PSEN1: variants seen among roughly 807,000 people sequenced by gnomAD.
PSEN1 encodes the protein presenilin 1.
PSEN1 carries 15 observed loss-of-function variants against 53.5 expected under a neutral mutation model. The observed-to-expected ratio is 0.28, with a 90% confidence interval of 0.19 to 0.43. The LOEUF (loss-of-function observed/expected upper bound fraction) is 0.43. Ranked by LOEUF, PSEN1 falls within the 20% of genes least tolerant of loss-of-function variation. The probability of loss-of-function intolerance (pLI) is 1.00; values close to 1 mark genes in which losing one functional copy is unlikely to be tolerated. For missense variants in PSEN1, 387 were observed against 571.2 expected (o/e 0.68, Z 3.29); for synonymous variants, 208 against 209.8 (o/e 0.99, Z 0.08).
At chr14:73,152,867 AC>A (rs1897265424) in intron 3 of PSEN1, among the ~76,000 whole-genome samples, 1 of 152,118 alleles carries the variant, frequency 6.6e-6, no homozygotes, top group South Asian at 2.1e-4. Context: ...TCACGGTGAA[AC>A]CCTGTCTCTA....
intron 3 of PSEN1, among the ~76,000 whole-genome samples, chr14:73,161,764 G>A (rs1018848425): frequency 2.6e-5 from 4 of 152,126 alleles, no homozygotes; most frequent in African/African-American, 9.7e-5. Flanking sequence ...CCCTTCAGAG[G>A]CCAAGCTGAT....
chr14:73,148,654 C>G (rs1445723623), intron 3 of PSEN1, among the ~76,000 whole-genome samples: 2 of 152,138 alleles, frequency 1.3e-5, no homozygotes, highest in Non-Finnish European at 2.9e-5. Flanking sequence ...GAGCAGAGGC[C>G]AGGCACGGTG....
At chr14:73,172,792 G>A (rs532015003) in intron 4 of PSEN1, among the ~76,000 whole-genome samples, 14 of 152,312 alleles carry the variant, frequency 9.2e-5, no homozygotes, top group African/African-American at 1.7e-4. Flanking sequence ...GTGGCTTCAC[G>A]TTCATCAAGG....
chr14:73,162,425 T>TCTCTCTCTCGCTCGCTCGCGCG (rs1897575095), intron 3 of PSEN1, among the ~76,000 whole-genome samples: 1 of 149,122 alleles, frequency 6.7e-6, no homozygotes, highest in Non-Finnish European at 1.5e-5. Context: ...ATGCTCTCGT[T>TCTCTCTCTCGCTCGCTCGCGCG]CTCTCTCTCG....
Position 73,209,027 on chromosome 14 carries a change from C to T in PSEN1, c.955+2555C>T, listed in dbSNP as rs781401368. 1.7e-4 allele frequency: 60 copies of T among 353,902 alleles called. No individual in the cohort carries two copies. The Admixed American group carries it at 1.7e-3, about 10-fold the overall frequency. The allele number at this position is 353,902 out of a possible 1,614,324, so 21.9% of individuals were successfully genotyped here. On this transcript the variant is annotated intron_variant, in intron 9 of 11. Coordinates refer to ENST00000324501, the MANE Select transcript of PSEN1 (RefSeq NM_000021.4). ...GCATGTCAGTGCTGCCCCAAGCGCC[C>T]GCACACCCGGCCAGGTCATGACAGC...
intron 10 of PSEN1, among the ~76,000 whole-genome samples, chr14:73,213,000 C>A (rs1055849582): frequency 6.6e-6 from 1 of 152,208 alleles, no homozygotes; most frequent in African/African-American, 2.4e-5. Flanking sequence ...CTTGACATAT[C>A]CATCAGTTTG....
At chr14:73,213,506 G>A (rs1379102062) in intron 10 of PSEN1, among the ~76,000 whole-genome samples, 1 of 152,104 alleles carries the variant, frequency 6.6e-6, no homozygotes, top group East Asian at 1.9e-4. Context: ...TAACGGACGT[G>A]CTTCATCATC....
intron 11 of PSEN1, 137 bp from the exon 12 acceptor site, chr14:73,218,997 A>AC (rs1900041220): frequency 2.2e-6 from 2 of 921,166 alleles, no homozygotes; most frequent in East Asian, 4.8e-5. Flanking sequence ...GATTGAATGA[A>AC]CGTCTGTTCT....
intron 1 of PSEN1, among the ~76,000 whole-genome samples, chr14:73,143,822 G>A (rs1269820561): frequency 2.0e-5 from 3 of 151,682 alleles, no homozygotes; most frequent in African/African-American, 7.3e-5. Context: ...CAGCCTGGGC[G>A]ATACAGCAAG....
At position 73,211,904 on chromosome 14, in the gene PSEN1, T is replaced by C. The variant is rs966909396; in HGVS notation, c.1091T>C (p.Leu364Pro). The change falls in exon 10 of 12, where the codon CTT becomes CCT. Residue 364 changes from leucine (L) to proline (P), a missense_variant. By Grantham distance (98) the Leu-to-Pro change is moderately conservative. Around this residue, in one of 4 missense-constraint regions of PSEN1, gnomAD observed 75 missense variants for 63.7 expected, o/e 1.18. Transcript: ENST00000324501. ...GAGTCACGAGCTGCTGTCCAGGAACTTTCCAGCAGTATCCTCGCTGGTGAA... is the reference window on the plus strand; with the variant it reads ...GAGTCACGAGCTGCTGTCCAGGAACCTTCCAGCAGTATCCTCGCTGGTGAA... ...TPESRAAVQELSSSILAGEDP... is the reference protein window; with the variant it reads ...TPESRAAVQEPSSSILAGEDP... 3 of 1,613,942 alleles carry C rather than the reference T, an allele frequency of 1.9e-6. No homozygotes were observed. In the Admixed American group the frequency reaches 5.0e-5, roughly 27 times the overall value.
intron 9 of PSEN1, among the ~76,000 whole-genome samples, chr14:73,207,149 A>AAAT (rs557032981): frequency 3.0e-3 from 462 of 152,206 alleles, no homozygotes; most frequent in Non-Finnish European, 5.2e-3. Flanking sequence ...CTTACCTCAA[A>AAAT]AATAATAATA....
At chr14:73,204,466 A>G (rs747277987) in intron 8 of PSEN1, among the ~76,000 whole-genome samples, 3 of 151,840 alleles carry the variant, frequency 2.0e-5, no homozygotes, top group Non-Finnish European at 4.4e-5. Flanking sequence ...TACTGCTTGA[A>G]GCCAAATATG....
At chr14:73,218,673 T>C (rs1000627183) in intron 11 of PSEN1, among the ~76,000 whole-genome samples, 5 of 150,306 alleles carry the variant, frequency 3.3e-5, no homozygotes, top group African/African-American at 5.0e-5. Context: ...CCGCACAGCA[T>C]AGAGAATGCC....
chr14:73,206,652 C>T (rs1199275949), intron 9 of PSEN1, among the ~76,000 whole-genome samples, 180 bp downstream of exon 9: 1 of 151,986 alleles, frequency 6.6e-6, no homozygotes, highest in African/African-American at 2.4e-5. Context: ...TACTCAAAAC[C>T]CAACAATACA....
At chr14:73,179,731 C>T (rs1348255715) in intron 5 of PSEN1, among the ~76,000 whole-genome samples, 2 of 152,188 alleles carry the variant, frequency 1.3e-5, no homozygotes, top group African/African-American at 4.8e-5. Context: ...CTTGCTAATG[C>T]CCACTCATGT....
chr14:73,137,400 G>C (rs1896777457), intron 1 of PSEN1, among the ~76,000 whole-genome samples: 1 of 152,198 alleles, frequency 6.6e-6, no homozygotes, highest in South Asian at 2.1e-4. Context: ...GAAAGACCTG[G>C]TTTAGAGAGG....
chr14:73,211,737 A>G, intron 9 of PSEN1, 32 bp from the exon 10 acceptor site: 4 of 1,612,834 alleles, frequency 2.5e-6, no homozygotes, highest in Non-Finnish European at 3.4e-6. Flanking sequence ...TTTTCTAAAT[A>G]TTAGAGCTGT....
chr14:73,159,025 A>G (rs952174588), intron 3 of PSEN1, among the ~76,000 whole-genome samples: 3 of 152,112 alleles, frequency 2.0e-5, no homozygotes, highest in African/African-American at 7.2e-5. Flanking sequence ...TTGTCTGTTC[A>G]AATCTCTTGC....
At chr14:73,190,915 G>A (rs1016802294) in intron 6 of PSEN1, among the ~76,000 whole-genome samples, 6 of 152,090 alleles carry the variant, frequency 3.9e-5, no homozygotes, top group African/African-American at 7.2e-5. Flanking sequence ...TATCTACATC[G>A]TCCAGAAATT....
Sources: allele counts gnomAD v4.1 joint callset (sites outside exome capture counted in the v4.1 genomes callset), GRCh38; gene constraint gnomAD v4.1.1; regional missense constraint gnomAD v4.1.1; transcripts MANE v1.5; gene names NCBI Gene and HGNC (gene_info 2026-07-23, HGNC 2026-07-21).